LRRC37A2: variants seen among roughly 807,000 people sequenced by gnomAD.
LRRC37A2 encodes leucine-rich repeat-containing protein 37A2.
In LRRC37A2, 9 loss-of-function variants were observed where a neutral mutation model predicts 68.8. The observed-to-expected ratio is 0.13, with a 90% CI of 0.08 to 0.23. The LOEUF is 0.23. Ranked by LOEUF, LRRC37A2 falls within the 10% of genes least tolerant of loss-of-function variation. LRRC37A2 has a pLI of 1.00. For missense variants in LRRC37A2, 168 were observed against 950.4 expected (o/e 0.18, Z 10.82); for synonymous variants, 63 against 367.6 (o/e 0.17, Z 9.48).
the LRRC37A2 span, among the ~76,000 whole-genome samples, chr17:46,605,566 T>C: frequency 0.12 from 12,402 of 102,768 alleles, 6 homozygotes; most frequent in Middle Eastern, 0.19. Context: ...ATATTTTCCA[T>C]ATGCTTAGAG....
the LRRC37A2 span, chr17:46,941,254 ACCCTTTG>A: frequency 1.0e-6 from 1 of 990,964 alleles, no homozygotes; most frequent in African/African-American, 1.7e-5. Flanking sequence ...AGTTCTGTAC[ACCCTTTG>A]CCCTGATGAA....
the LRRC37A2 span, chr17:46,768,827 A>C: frequency 3.1e-6 from 5 of 1,608,692 alleles, no homozygotes; most frequent in Non-Finnish European, 4.2e-6. This position sits in a 1 kb window ranked among gnomAD's most constrained non-coding sequence, Gnocchi z 5.0. Flanking sequence ...CAGCTGGCCA[A>C]CAGACCGACC....
At chr17:46,716,052 T>C in the LRRC37A2 span, among the ~76,000 whole-genome samples, 1 of 152,216 alleles carries the variant, frequency 6.6e-6, no homozygotes, top group Non-Finnish European at 1.5e-5. Flanking sequence ...GAATGAAGCA[T>C]AGGTTTCTTA....
the LRRC37A2 span, among the ~76,000 whole-genome samples, chr17:46,716,463 T>C: frequency 6.6e-6 from 1 of 152,162 alleles, no homozygotes; most frequent in Non-Finnish European, 1.5e-5. Flanking sequence ...TTCACCGTGT[T>C]AGCCAGGATG....
At chr17:46,961,040 C>A in the LRRC37A2 span, among the ~76,000 whole-genome samples, 3 of 151,052 alleles carry the variant, frequency 2.0e-5, no homozygotes, top group Non-Finnish European at 3.0e-5. Context: ...TTAAAAAAAA[C>A]AAGGTGGGAA....
the LRRC37A2 span, among the ~76,000 whole-genome samples, chr17:46,839,965 T>TC: frequency 7.0e-4 from 96 of 137,316 alleles, no homozygotes; most frequent in African/African-American, 2.3e-3. Flanking sequence ...TCTTTCTTTC[T>TC]TTCTTTCTTT....
At chr17:46,749,233 T>A in the LRRC37A2 span, among the ~76,000 whole-genome samples, 6 of 152,122 alleles carry the variant, frequency 3.9e-5, no homozygotes, top group Admixed American at 1.3e-4. Context: ...AAACTTTTTT[T>A]AAAAAAATAT....
chr17:46,382,160 C>T, the LRRC37A2 span, among the ~76,000 whole-genome samples: 1 of 147,560 alleles, frequency 6.8e-6, no homozygotes, highest in South Asian at 2.3e-4. Flanking sequence ...TGCCTGTAAT[C>T]CCAGCTACTC....
chr17:46,744,996 A>T, the LRRC37A2 span, among the ~76,000 whole-genome samples: 4 of 152,294 alleles, frequency 2.6e-5, no homozygotes, highest in East Asian at 7.7e-4. Context: ...AGTAAAGAGT[A>T]TGCTGGGAGC....
At chr17:46,730,069 G>A in the LRRC37A2 span, among the ~76,000 whole-genome samples, 3 of 152,018 alleles carry the variant, frequency 2.0e-5, no homozygotes, top group Non-Finnish European at 4.4e-5. Context: ...TCTTAAGTAA[G>A]TAAACGTATA....
chr17:46,751,974 A>G, the LRRC37A2 span, among the ~76,000 whole-genome samples: 2 of 152,232 alleles, frequency 1.3e-5, no homozygotes, highest in South Asian at 4.1e-4. Context: ...CCAAGATCAC[A>G]TCACCAGGTT....
chr17:46,931,809 A>G, the LRRC37A2 span: 3 of 547,796 alleles, frequency 5.5e-6, no homozygotes, highest in Non-Finnish European at 9.8e-6. Context: ...GTTCTCTGTC[A>G]TGCATCCAGA....
At chr17:46,772,976 C>T in the LRRC37A2 span, among the ~76,000 whole-genome samples, 6 of 152,208 alleles carry the variant, frequency 3.9e-5, no homozygotes, top group Non-Finnish European at 8.8e-5. Context: ...AGCTGCCCAT[C>T]TTCCACCCAG....
At chr17:46,803,937 C>T in the LRRC37A2 span, among the ~76,000 whole-genome samples, 8 of 152,192 alleles carry the variant, frequency 5.3e-5, no homozygotes, top group African/African-American at 9.7e-5. Context: ...CCCTGAGGAC[C>T]CAGCATGCCT....
the LRRC37A2 span, among the ~76,000 whole-genome samples, chr17:46,767,506 C>A: frequency 9.2e-5 from 14 of 152,116 alleles, no homozygotes; most frequent in Non-Finnish European, 1.9e-4. Flanking sequence ...TTTTGGCTCG[C>A]TGCTTGAGGT....
the LRRC37A2 span, among the ~76,000 whole-genome samples, chr17:47,031,214 G>A: frequency 4.0e-5 from 6 of 148,738 alleles, 1 homozygote; most frequent in East Asian, 4.1e-4. Context: ...GAGCTTATTC[G>A]TGGACTTAAC....
At chr17:46,749,432 A>G in the LRRC37A2 span, among the ~76,000 whole-genome samples, 6 of 152,258 alleles carry the variant, frequency 3.9e-5, no homozygotes, top group Middle Eastern at 3.4e-3. Flanking sequence ...TTTTTCCCCA[A>G]TTCCCACCAT....
chr17:46,877,271 G>A, the LRRC37A2 span, among the ~76,000 whole-genome samples: 95 of 152,356 alleles, frequency 6.2e-4, no homozygotes, highest in Non-Finnish European at 9.7e-4. Flanking sequence ...GCCAGAGATG[G>A]GGAGAAAGCA....
the LRRC37A2 span, among the ~76,000 whole-genome samples, chr17:46,866,658 C>T: frequency 2.6e-5 from 4 of 152,166 alleles, no homozygotes; most frequent in South Asian, 4.1e-4. Flanking sequence ...AAGGCTTTCC[C>T]GGTTCCCAGG....
Sources: allele counts gnomAD v4.1 joint callset (sites outside exome capture counted in the v4.1 genomes callset), GRCh38; gene constraint gnomAD v4.1.1; non-coding constraint Gnocchi (gnomAD v3.1); transcripts MANE v1.5; gene names NCBI Gene and HGNC (gene_info 2026-07-23, HGNC 2026-07-21).